The following DNAAF1 variants were observed in gnomAD, a reference collection of about 807,000 sequenced individuals.
DNAAF1 encodes dynein assembly factor 1, axonemal.
A neutral mutation model predicts 71.1 loss-of-function variants in DNAAF1; 65 were observed. That is an observed-to-expected ratio of 0.91 (90% CI 0.75 to 1.12). The LOEUF is 1.12. Among genes scored for constraint, DNAAF1 ranks in the 50% most tolerant of loss-of-function variants. The pLI is 0.00. For synonymous variants in DNAAF1, 414 were observed against 354.6 expected (o/e 1.17, Z -1.88); for missense variants, 1,178 against 899.8 (o/e 1.31, Z -3.96).
chr16:84,156,780 A>G (rs905019645), intron 5 of DNAAF1, among the ~76,000 whole-genome samples: 1 of 151,992 alleles, frequency 6.6e-6, no homozygotes, highest in Non-Finnish European at 1.5e-5. Context: ...GGCCAGGATC[A>G]ATGTTTGACC....
At chr16:84,175,309 G>A (rs1302611398) in intron 10 of DNAAF1, 1 of 177,068 alleles carries the variant, frequency 5.6e-6, no homozygotes, top group Non-Finnish European at 1.2e-5. Context: ...CTGTCATTAA[G>A]ATGTATTTCT....
At chr16:84,175,590 A>C in intron 10 of DNAAF1, 1 of 329,156 alleles carries the variant, frequency 3.0e-6, no homozygotes, top group South Asian at 3.0e-5. Context: ...CTGCTGTCCA[A>C]GGAGCTAAGT....
chr16:84,154,598 T>C lies in DNAAF1; in HGVS notation c.374T>C (p.Leu125Pro), dbSNP rs1567540655. 1 of 1,614,152 alleles carries C rather than the reference T, an allele frequency of 6.2e-7. No homozygotes were observed. The highest frequency in any genetic ancestry group is 8.5e-7 in the Non-Finnish European group (1 of 1,180,038). ...TTAGGTTTTGATCGCATTGAGAACCTGGAAGAGTACACAGGGCTGCGCTGT... is the reference window on the plus strand; with the variant it reads ...TTAGGTTTTGATCGCATTGAGAACCCGGAAGAGTACACAGGGCTGCGCTGT... Reference protein sequence around the residue: ...HFKGFDRIENLEEYTGLRCLW... With the variant: ...HFKGFDRIENPEEYTGLRCLW... The change falls in exon 4 of 12, where the codon CTG becomes CCG. Residue 125 changes from leucine (L) to proline (P), a missense_variant. Physicochemically the swap from Leu to Pro is moderately conservative, Grantham distance 98. Coordinates refer to ENST00000378553, the MANE Select transcript of DNAAF1 (RefSeq NM_178452.6).
Position 84,155,761 on chromosome 16 carries a change from A to T in DNAAF1, c.741+12A>T. 6.2e-7 allele frequency: 1 copy of T among 1,614,032 alleles called. No homozygotes were observed. Among genetic ancestry groups the T allele is most frequent in the Non-Finnish European group, 8.5e-7 (1 of 1,180,014 alleles). On this transcript the variant is annotated intron_variant, in intron 5 of 11. Coordinates refer to ENST00000378553, the MANE Select transcript of DNAAF1 (RefSeq NM_178452.6). ...GCATGCCCGATTTGGTAAAAAACAA[A>T]AACAAAAACAACGAAAAAGCACCAC...
Position 84,176,197 on chromosome 16 carries a change from C to T in DNAAF1, c.1963C>T (p.Pro655Ser). 6.2e-7 allele frequency: 1 copy of T among 1,613,914 alleles called. No individual in the cohort carries two copies. Among genetic ancestry groups the T allele is most frequent in the Non-Finnish European group, 8.5e-7 (1 of 1,180,036 alleles). Reference protein sequence around the residue: ...PLIQELSDEDPSGQLLMPPTC... With the variant: ...PLIQELSDEDSSGQLLMPPTC... ...GATCCAGGAGCTCAGCGACGAGGAC[C>T]CCTCTGGCCAGCTACTGATGCCCCC... is the stretch of plus-strand genomic sequence containing the variant. The change falls in exon 11 of 12, where the codon CCC becomes TCC. Residue 655 changes from proline (P) to serine (S), a missense_variant. Transcript: ENST00000378553.
At chr16:84,159,875 T>G (rs2087619839) in intron 6 of DNAAF1, 79 bp downstream of exon 6, 8 of 1,549,160 alleles carry the variant, frequency 5.2e-6, no homozygotes, top group Non-Finnish European at 7.0e-6. Flanking sequence ...TTTAAATTTC[T>G]GATTCTTGAG....
intron 5 of DNAAF1, chr16:84,158,976 C>T: frequency 1.0e-6 from 1 of 955,718 alleles, no homozygotes; most frequent in Non-Finnish European, 1.2e-6. Flanking sequence ...AGTGATCCAC[C>T]CACCTCAGCC....
Position 84,174,670 on chromosome 16 carries a change from A to G in DNAAF1, c.1646A>G (p.Asp549Gly). 1 of 1,614,104 alleles carries G rather than the reference A, an allele frequency of 6.2e-7. No individual in the cohort carries two copies. The highest frequency in any genetic ancestry group is 8.5e-7 in the Non-Finnish European group (1 of 1,179,998). Residue 549 changes from aspartate to glycine, a missense_variant and splice_region_variant, in exon 10 of 12, where the codon GAC becomes GGC. Asp to Gly is a moderately conservative substitution (Grantham distance 94). Transcript: ENST00000378553. ...LETKETFCID[D>G]LPDLEDDDET... ...TGTGCGGCTCACTTGCTCTTTCAGG[A>G]CCTACCTGACTTGGAAGATGATGAT...
chr16:84,156,956 G>C (rs147433854), intron 5 of DNAAF1, among the ~76,000 whole-genome samples: 2 of 148,296 alleles, frequency 1.3e-5, no homozygotes, highest in South Asian at 2.2e-4. Context: ...GGGCTCAAGC[G>C]ATCCTCCCAC....
At chr16:84,154,846 C>G (rs777716662) in intron 4 of DNAAF1, 48 bp downstream of exon 4, 7 of 1,431,400 alleles carry the variant, frequency 4.9e-6, no homozygotes, top group Non-Finnish European at 2.0e-6. Context: ...ATGTCCATCA[C>G]CTTCCCCTGA....
intron 8 of DNAAF1, among the ~76,000 whole-genome samples, chr16:84,171,091 G>A (rs1046171335): frequency 6.6e-6 from 1 of 152,118 alleles, no homozygotes; most frequent in African/African-American, 2.4e-5. Flanking sequence ...ACGAAGCCCC[G>A]AGAGCAATGG....
At chr16:84,173,137 T>G (rs1237769583) in intron 9 of DNAAF1, 11 of 985,874 alleles carry the variant, frequency 1.1e-5, no homozygotes, top group Non-Finnish European at 1.3e-5. Context: ...TTTCTAATGT[T>G]CAAACTTCAG....
chr16:84,153,061 A>T (rs1338253315), intron 3 of DNAAF1, among the ~76,000 whole-genome samples: 1 of 152,222 alleles, frequency 6.6e-6, no homozygotes, highest in African/African-American at 2.4e-5. Context: ...AAGACAACAA[A>T]GAAATGTGAC....
Position 84,174,718 on chromosome 16 carries a change from A to T in DNAAF1, c.1694A>T (p.Asp565Val). The T allele has an allele frequency of 1.2e-6, 2 of 1,614,234 alleles. No individual in the cohort carries two copies. Among genetic ancestry groups the T allele is most frequent in the South Asian group, 2.2e-5 (2 of 91,086 alleles). The change falls in exon 10 of 12, where the codon GAC (aspartate) becomes GTC (valine). Residue 565 changes from aspartate to valine, a missense_variant. Transcript: ENST00000378553. ...DDDETGKSLE[D>V]QNMCFPKIEV... ...GATGAAACAGGCAAATCTCTGGAAGACCAGGTTAAGGTCATTAGAAACCAT... is the reference window on the plus strand; with the variant it reads ...GATGAAACAGGCAAATCTCTGGAAGTCCAGGTTAAGGTCATTAGAAACCAT...
chr16:84,165,704 A>G, intron 6 of DNAAF1, 79 bp from the exon 7 acceptor site: 1 of 1,405,622 alleles, frequency 7.1e-7, no homozygotes, highest in Middle Eastern at 2.3e-4. Context: ...TTTGATTTTG[A>G]AGAAAATGAG....
intron 3 of DNAAF1, among the ~76,000 whole-genome samples, chr16:84,152,681 C>T (rs945988326): frequency 4.1e-5 from 6 of 146,954 alleles, no homozygotes; most frequent in East Asian, 2.0e-4. Context: ...TGGCTGGGCG[C>T]GGTGGCTCAC....
chr16:84,155,155 G>A (rs549556658), intron 4 of DNAAF1, among the ~76,000 whole-genome samples: 5 of 152,142 alleles, frequency 3.3e-5, no homozygotes, highest in African/African-American at 4.8e-5. Context: ...TGATCCGCCC[G>A]CCTTGGCCTC....
intron 9 of DNAAF1, chr16:84,172,690 T>C: frequency 8.2e-7 from 1 of 1,221,406 alleles, no homozygotes; most frequent in Non-Finnish European, 1.0e-6. Context: ...AAAGAAGCTA[T>C]CTTGCTAAGT....
At chr16:84,171,914 A>G (rs1342029872) in intron 8 of DNAAF1, among the ~76,000 whole-genome samples, 1 of 138,900 alleles carries the variant, frequency 7.2e-6, no homozygotes, top group Non-Finnish European at 1.5e-5. Flanking sequence ...GTCTCGCTCT[A>G]TCACCCAGGC....
Sources: allele counts gnomAD v4.1 joint callset (sites outside exome capture counted in the v4.1 genomes callset), GRCh38; gene constraint gnomAD v4.1.1; transcripts MANE v1.5; gene names NCBI Gene and HGNC (gene_info 2026-07-23, HGNC 2026-07-21).